ST6GALNAC3: variants seen among roughly 807,000 people sequenced by gnomAD.
ST6GALNAC3 encodes alpha-N-acetylgalactosaminide alpha-2,6-sialyltransferase 3.
In ST6GALNAC3, 25 loss-of-function variants were observed where a neutral mutation model predicts 32.7. The ratio of observed to expected loss-of-function variants is 0.76; its 90% CI spans 0.56 to 1.07. The LOEUF (loss-of-function observed/expected upper bound fraction) is 1.07. Among genes scored for constraint, ST6GALNAC3 ranks in the 50% least tolerant of loss-of-function variants. ST6GALNAC3 has a pLI of 0.00. For synonymous variants in ST6GALNAC3, 129 were observed against 133.1 expected (o/e 0.97, Z 0.21); for missense variants, 355 against 382.4 (o/e 0.93, Z 0.60).
intron 3 of ST6GALNAC3, among the ~76,000 whole-genome samples, chr1:76,476,508 T>C (rs1405991693): frequency 1.3e-5 from 2 of 152,204 alleles, no homozygotes; most frequent in Non-Finnish European, 2.9e-5. Flanking sequence ...TTTAAGTGAT[T>C]CTTTTTCTGA....
intron 1 of ST6GALNAC3, among the ~76,000 whole-genome samples, chr1:76,078,382 G>A (rs1646845023): frequency 6.6e-6 from 1 of 152,148 alleles, no homozygotes; most frequent in Non-Finnish European, 1.5e-5. Flanking sequence ...AAGGTGCTGT[G>A]CATGCTGAGG....
intron 2 of ST6GALNAC3, among the ~76,000 whole-genome samples, chr1:76,337,713 G>C (rs1227390520): frequency 1.3e-5 from 2 of 152,050 alleles, no homozygotes; most frequent in African/African-American, 2.4e-5. Context: ...ATTTGAGAAG[G>C]CCTGCCCTAA....
intron 3 of ST6GALNAC3, among the ~76,000 whole-genome samples, chr1:76,453,057 T>C (rs1244469616): frequency 6.6e-6 from 1 of 152,212 alleles, no homozygotes; most frequent in African/African-American, 2.4e-5. Flanking sequence ...GTTTTCTAGT[T>C]TATGCGCATA....
At chr1:76,378,868 T>G (rs1467105627) in intron 2 of ST6GALNAC3, among the ~76,000 whole-genome samples, 1 of 142,128 alleles carries the variant, frequency 7.0e-6, no homozygotes, top group African/African-American at 2.6e-5. Context: ...TGGCTCCATT[T>G]CAAATCAGCG....
At chr1:76,271,804 C>A (rs1428418418) in intron 1 of ST6GALNAC3, among the ~76,000 whole-genome samples, 1 of 152,134 alleles carries the variant, frequency 6.6e-6, no homozygotes, top group Non-Finnish European at 1.5e-5. Context: ...TTGCAGGCAG[C>A]TTGGAGCAGG....
intron 1 of ST6GALNAC3, among the ~76,000 whole-genome samples, chr1:76,250,291 G>A (rs1570579108): frequency 6.6e-6 from 1 of 152,176 alleles, no homozygotes; most frequent in Admixed American, 6.5e-5. Context: ...AGTTTTGGCT[G>A]TGCTAGCAAA....
intron 3 of ST6GALNAC3, among the ~76,000 whole-genome samples, chr1:76,489,015 C>G (rs1660320547): frequency 1.3e-5 from 2 of 152,174 alleles, no homozygotes; most frequent in Admixed American, 1.3e-4. Context: ...TGCTTATCTG[C>G]CTTCTTCTTC....
intron 3 of ST6GALNAC3, among the ~76,000 whole-genome samples, chr1:76,607,154 A>G (rs371262331): frequency 3.3e-5 from 5 of 152,196 alleles, no homozygotes; most frequent in East Asian, 3.8e-4. Context: ...GGTTTACTAT[A>G]AAGGATACAA....
chr1:76,594,016 G>C (rs891496304), intron 3 of ST6GALNAC3, among the ~76,000 whole-genome samples: 1 of 152,090 alleles, frequency 6.6e-6, no homozygotes, highest in African/African-American at 2.4e-5. Flanking sequence ...GGGCCCTTGT[G>C]CTGCCCCTTC....
chr1:76,403,932 T>C (rs1246955149), intron 2 of ST6GALNAC3, among the ~76,000 whole-genome samples: 1 of 149,252 alleles, frequency 6.7e-6, no homozygotes, highest in East Asian at 1.9e-4. Flanking sequence ...GAAAACGTGT[T>C]TTTTGCCTCC....
At chr1:76,198,025 T>C (rs574131765) in intron 1 of ST6GALNAC3, among the ~76,000 whole-genome samples, 1 of 127,280 alleles carries the variant, frequency 7.9e-6, no homozygotes, top group East Asian at 3.3e-4. Flanking sequence ...ATTTATGTTT[T>C]TGTTGTTGCT....
At chr1:76,342,022 C>G (rs779311417) in intron 2 of ST6GALNAC3, among the ~76,000 whole-genome samples, 5 of 151,984 alleles carry the variant, frequency 3.3e-5, no homozygotes, top group Non-Finnish European at 7.4e-5. Context: ...ATCCATGTCC[C>G]TGCAGAGGAC....
chr1:76,349,569 A>T (rs1481489955), intron 2 of ST6GALNAC3, among the ~76,000 whole-genome samples: 1 of 152,178 alleles, frequency 6.6e-6, no homozygotes, highest in East Asian at 1.9e-4. Context: ...GTATGGCAAG[A>T]GGAAAATGAC....
At chr1:76,507,565 G>C (rs1483271601) in intron 3 of ST6GALNAC3, among the ~76,000 whole-genome samples, 1 of 152,126 alleles carries the variant, frequency 6.6e-6, no homozygotes, top group Non-Finnish European at 1.5e-5. Context: ...GTGACGTAAT[G>C]TTTTCAAGGT....
At chr1:76,129,953 T>C (rs1386837852) in intron 1 of ST6GALNAC3, among the ~76,000 whole-genome samples, 1 of 152,144 alleles carries the variant, frequency 6.6e-6, no homozygotes, top group East Asian at 1.9e-4. Flanking sequence ...TGCACTGCAT[T>C]CTTGGCTTCT....
chr1:76,089,235 A>T lies in ST6GALNAC3; in HGVS notation c.18+14351A>T, dbSNP rs191160460. On this transcript the variant is annotated intron_variant, in intron 1 of 4. Coordinates refer to ENST00000328299, the MANE Select transcript of ST6GALNAC3 (RefSeq NM_152996.4). ...ATTTATTTATTTATTTATTTTTTAGAAGAGACGGGGTTTCACTGTGTTAGC... is the reference window on the plus strand; with the variant it reads ...ATTTATTTATTTATTTATTTTTTAGTAGAGACGGGGTTTCACTGTGTTAGC... 6.1e-4 allele frequency among the ~76,000 whole-genome samples: 93 copies of T among 151,988 alleles called. No individual in the cohort carries two copies. In the East Asian group the frequency reaches 0.01, roughly 16 times the overall value.
intron 3 of ST6GALNAC3, among the ~76,000 whole-genome samples, chr1:76,525,791 G>GTATA (rs199721572): frequency 0.037 from 2,794 of 75,304 alleles, 153 homozygotes; most frequent in East Asian, 0.093. Flanking sequence ...GTGTGTGTGT[G>GTATA]TATATATATA....
chr1:76,407,983 A>T (rs1260998008), intron 2 of ST6GALNAC3, among the ~76,000 whole-genome samples: 2 of 152,076 alleles, frequency 1.3e-5, no homozygotes, highest in Non-Finnish European at 2.9e-5. Flanking sequence ...AATAAGAAAA[A>T]CTGAGATAAC....
chr1:76,100,039 AAATTT>A (rs1373114371), intron 1 of ST6GALNAC3, among the ~76,000 whole-genome samples: 2 of 152,132 alleles, frequency 1.3e-5, no homozygotes, highest in Non-Finnish European at 2.9e-5. Flanking sequence ...TTAAAAAATT[AAATTT>A]AATTTTGTTT....
Sources: allele counts gnomAD v4.1 joint callset (sites outside exome capture counted in the v4.1 genomes callset), GRCh38; gene constraint gnomAD v4.1.1; transcripts MANE v1.5; gene names NCBI Gene and HGNC (gene_info 2026-07-23, HGNC 2026-07-21).